Variants in GRIK3 observed in about 807,000 individuals in gnomAD.
GRIK3 encodes glutamate ionotropic receptor kainate type subunit 3.
GRIK3 carries 29 observed loss-of-function variants against 102.5 expected under a neutral mutation model. The observed-to-expected ratio is 0.28, with a 90% CI of 0.21 to 0.39. The LOEUF (loss-of-function observed/expected upper bound fraction) is 0.39. Ranked by LOEUF, GRIK3 falls within the 10% of genes least tolerant of loss-of-function variation. GRIK3 has a pLI of 1.00. For synonymous variants in GRIK3, 511 were observed against 504.9 expected (o/e 1.01, Z -0.16); for missense variants, 908 against 1,252.4 (o/e 0.73, Z 4.15).
chr1:36,912,354 C>T (rs1641355500), intron 1 of GRIK3, among the ~76,000 whole-genome samples: 1 of 152,116 alleles, frequency 6.6e-6, no homozygotes, highest in South Asian at 2.1e-4. Flanking sequence ...CCAGCTTCCT[C>T]GCCCCTTGCA....
At chr1:36,874,657 G>A (rs1640893237) in intron 3 of GRIK3, among the ~76,000 whole-genome samples, 1 of 152,198 alleles carries the variant, frequency 6.6e-6, no homozygotes, top group African/African-American at 2.4e-5. Context: ...ACCCCGTGAG[G>A]TCCAGGGTGC....
chr1:36,972,300 T>G (rs1367609576), intron 1 of GRIK3, among the ~76,000 whole-genome samples: 1 of 151,696 alleles, frequency 6.6e-6, no homozygotes, highest in Non-Finnish European at 1.5e-5. Context: ...GCCCAAAGAG[T>G]CAGCCAGGGC....
chr1:37,030,553 C>A (rs868390505), intron 1 of GRIK3, among the ~76,000 whole-genome samples: 11 of 136,424 alleles, frequency 8.1e-5, no homozygotes, highest in Middle Eastern at 3.7e-3. Context: ...CCCCCTCCCC[C>A]CCCCCAACAC....
intron 1 of GRIK3, among the ~76,000 whole-genome samples, chr1:36,949,574 C>CTTTTTTTTTTTTTTT (rs60157852): frequency 1.5e-4 from 15 of 99,682 alleles, no homozygotes; most frequent in African/African-American, 5.1e-4. Flanking sequence ...CTCTCTCTTT[C>CTTTTTTTTTTTTTTT]TTTTTTTTTT....
intron 1 of GRIK3, among the ~76,000 whole-genome samples, chr1:36,994,914 T>C (rs1396031908): frequency 6.6e-6 from 1 of 152,232 alleles, no homozygotes; most frequent in African/African-American, 2.4e-5. Flanking sequence ...CCTTTCTCTC[T>C]GTGACAGTTC....
chr1:36,877,102 C>T (rs1214945946), intron 3 of GRIK3, among the ~76,000 whole-genome samples: 1 of 152,190 alleles, frequency 6.6e-6, no homozygotes, highest in Non-Finnish European at 1.5e-5. Flanking sequence ...TACTTATAGT[C>T]AGAGCTAAAG....
chr1:36,924,695 C>T (rs1271396811), intron 1 of GRIK3, among the ~76,000 whole-genome samples: 2 of 152,192 alleles, frequency 1.3e-5, no homozygotes, highest in African/African-American at 4.8e-5. Context: ...CTTCCAGAGG[C>T]CGTGCTCAAG....
chr1:37,031,292 CCTCA>C (rs2124094279), intron 1 of GRIK3, among the ~76,000 whole-genome samples: 1 of 152,242 alleles, frequency 6.6e-6, no homozygotes, highest in Admixed American at 6.5e-5. Context: ...TTGCTCTCTC[CCTCA>C]CTCTCTTTTG....
At chr1:36,961,731 G>C (rs1642011868) in intron 1 of GRIK3, among the ~76,000 whole-genome samples, 1 of 152,242 alleles carries the variant, frequency 6.6e-6, no homozygotes, top group Non-Finnish European at 1.5e-5. Context: ...AGGATGCAAA[G>C]ACCCGTGAAT....
chr1:36,851,691 G>A (rs1271505980), intron 8 of GRIK3, among the ~76,000 whole-genome samples: 4 of 152,234 alleles, frequency 2.6e-5, no homozygotes, highest in African/African-American at 7.2e-5. Flanking sequence ...CTCACAGTCC[G>A]GGTGGCTGTG....
intron 1 of GRIK3, among the ~76,000 whole-genome samples, chr1:36,979,590 G>A (rs933098836): frequency 6.6e-6 from 1 of 152,242 alleles, no homozygotes; most frequent in Non-Finnish European, 1.5e-5. Flanking sequence ...GGTGAAGGGA[G>A]AGGAACTTGA....
chr1:36,830,044 G>T (rs1642798710), intron 10 of GRIK3, among the ~76,000 whole-genome samples: 1 of 152,206 alleles, frequency 6.6e-6, no homozygotes, highest in African/African-American at 2.4e-5. Flanking sequence ...TGCCTGCTTG[G>T]ATTCCCAAGT....
At chr1:36,973,184 G>A (rs1180966414) in intron 1 of GRIK3, among the ~76,000 whole-genome samples, 3 of 152,102 alleles carry the variant, frequency 2.0e-5, no homozygotes, top group Non-Finnish European at 2.9e-5. Flanking sequence ...GCATACAGAG[G>A]CCACCAGGGC....
intron 10 of GRIK3, among the ~76,000 whole-genome samples, chr1:36,831,601 C>G (rs1557695935): frequency 6.6e-6 from 1 of 152,210 alleles, no homozygotes; most frequent in Non-Finnish European, 1.5e-5. Context: ...ACTAGGGTTG[C>G]TTACAGTCAT....
At chr1:36,975,288 G>GTTTTT (rs61125066) in intron 1 of GRIK3, among the ~76,000 whole-genome samples, 1,762 of 113,238 alleles carry the variant, frequency 0.016, 184 homozygotes, top group African/African-American at 0.064. Flanking sequence ...TCTAAAGTTG[G>GTTTTT]TTTTTTTTTT....
chr1:36,958,012 C>CT (rs1641944093), intron 1 of GRIK3, among the ~76,000 whole-genome samples: 1 of 48,276 alleles, frequency 2.1e-5, no homozygotes, highest in Admixed American at 1.6e-4. Flanking sequence ...TCTGTGTGCC[C>CT]GGTGAGTCTG....
At chr1:36,945,681 T>A (rs1641775440) in intron 1 of GRIK3, among the ~76,000 whole-genome samples, 1 of 151,960 alleles carries the variant, frequency 6.6e-6, no homozygotes, top group African/African-American at 2.4e-5. Context: ...GCTTCAAAGG[T>A]TCTTTTGGTG....
chr1:36,913,183 A>G (rs1263600883), intron 1 of GRIK3, among the ~76,000 whole-genome samples: 2 of 152,160 alleles, frequency 1.3e-5, no homozygotes, highest in Non-Finnish European at 2.9e-5. Flanking sequence ...TCCCACCACC[A>G]TCCCAACTGG....
chr1:36,854,005 G>A (rs1204880129), intron 7 of GRIK3, among the ~76,000 whole-genome samples: 1 of 152,210 alleles, frequency 6.6e-6, no homozygotes, highest in Non-Finnish European at 1.5e-5. Flanking sequence ...TCATGGGAAG[G>A]GGGAGCCCAT....
Sources: gnomAD v4.1 joint callset for allele counts (sites outside exome capture counted in the v4.1 genomes callset) on GRCh38, gnomAD v4.1.1 for gene constraint, MANE v1.5 for transcripts, NCBI Gene and HGNC (gene_info 2026-07-23, HGNC 2026-07-21) for gene names.